Variants in CAMK2D observed in about 807,000 individuals in gnomAD.
The protein encoded by CAMK2D is calcium/calmodulin dependent protein kinase II delta, also known as calcium/calmodulin-dependent protein kinase type II subunit delta.
A neutral mutation model predicts 84.0 loss-of-function variants in CAMK2D; 37 were observed. The ratio of observed to expected loss-of-function variants is 0.44; its 90% CI spans 0.34 to 0.58. The LOEUF is 0.58. Among genes scored for constraint, CAMK2D ranks in the 20% least tolerant of loss-of-function variants. CAMK2D has a pLI of 0.02. For missense variants in CAMK2D, 448 were observed against 652.5 expected, an observed-to-expected ratio of 0.69 and a Z score of 3.41; for synonymous variants, 202 against 212.5, an observed-to-expected ratio of 0.95 and a Z score of 0.43.
At chr4:113,471,285 CTCT>C (rs1200082280) in intron 16 of CAMK2D, among the ~76,000 whole-genome samples, 1 of 152,080 alleles carries the variant, frequency 6.6e-6, no homozygotes, top group East Asian at 1.9e-4. Flanking sequence ...CATCCTTAGC[CTCT>C]TAATTATTTC....
chr4:113,527,603 G>A (rs887377708), intron 8 of CAMK2D, among the ~76,000 whole-genome samples: 3 of 152,054 alleles, frequency 2.0e-5, no homozygotes, highest in African/African-American at 7.2e-5. Context: ...GCCTGTATAT[G>A]CTTCATCATT....
intron 3 of CAMK2D, among the ~76,000 whole-genome samples, chr4:113,616,980 T>C (rs373555505): frequency 3.9e-5 from 6 of 152,310 alleles, no homozygotes; most frequent in South Asian, 4.1e-4. Flanking sequence ...TTCAAGAGTA[T>C]TGAAACAATA....
intron 3 of CAMK2D, among the ~76,000 whole-genome samples, chr4:113,654,786 G>C (rs1162376050): frequency 6.6e-6 from 1 of 151,804 alleles, no homozygotes; most frequent in East Asian, 1.9e-4. Context: ...AAAAAAATTA[G>C]AGTTTATGCT....
chr4:113,567,912 A>G (rs978398847), intron 4 of CAMK2D, among the ~76,000 whole-genome samples: 2 of 152,238 alleles, frequency 1.3e-5, no homozygotes, highest in African/African-American at 2.4e-5. Context: ...CTTGGTTAAT[A>G]TACTGCAACC....
At chr4:113,564,022 T>A (rs373838075) in intron 4 of CAMK2D, among the ~76,000 whole-genome samples, 1 of 152,226 alleles carries the variant, frequency 6.6e-6, no homozygotes, top group Non-Finnish European at 1.5e-5. Flanking sequence ...TTGATGGAGA[T>A]AACTAGTTTC....
intron 2 of CAMK2D, among the ~76,000 whole-genome samples, chr4:113,711,754 T>C (rs2099493400): frequency 6.6e-6 from 1 of 152,180 alleles, no homozygotes; most frequent in Non-Finnish European, 1.5e-5. Flanking sequence ...CTCTCCACGG[T>C]GACATCTCAG....
intron 2 of CAMK2D, among the ~76,000 whole-genome samples, chr4:113,716,788 G>A (rs1300299238): frequency 6.6e-6 from 1 of 151,932 alleles, no homozygotes; most frequent in African/African-American, 2.4e-5. Flanking sequence ...GTGATATAAA[G>A]GAGGACACAT....
intron 2 of CAMK2D, among the ~76,000 whole-genome samples, chr4:113,741,224 G>C (rs1477647718): frequency 6.6e-6 from 1 of 152,120 alleles, no homozygotes; most frequent in African/African-American, 2.4e-5. Flanking sequence ...TCCTTTAAGT[G>C]CAAAGGTGAA....
chr4:113,486,216 G>C (rs749156532), intron 16 of CAMK2D, among the ~76,000 whole-genome samples: 27 of 151,772 alleles, frequency 1.8e-4, no homozygotes, highest in Non-Finnish European at 3.4e-4. Flanking sequence ...CTGTGGTATT[G>C]AACTCCTGGC....
chr4:113,597,374 C>A (rs1035812508), intron 4 of CAMK2D, among the ~76,000 whole-genome samples: 1 of 152,196 alleles, frequency 6.6e-6, no homozygotes, highest in African/African-American at 2.4e-5. Context: ...TGCAGCTTCT[C>A]CATCAGCTCT....
At chr4:113,593,576 A>ATTT (rs1467557018) in intron 4 of CAMK2D, among the ~76,000 whole-genome samples, 4 of 151,800 alleles carry the variant, frequency 2.6e-5, no homozygotes, top group Non-Finnish European at 5.9e-5. Flanking sequence ...TTCACAGTGA[A>ATTT]TACCAGAGGA....
At chr4:113,701,116 T>C (rs893333616) in intron 2 of CAMK2D, among the ~76,000 whole-genome samples, 1 of 152,218 alleles carries the variant, frequency 6.6e-6, no homozygotes, top group African/African-American at 2.4e-5. Flanking sequence ...TTTACTAGAT[T>C]AATTCTTCTA....
chr4:113,536,371 G>A (rs1396387116), intron 7 of CAMK2D, among the ~76,000 whole-genome samples: 3 of 152,196 alleles, frequency 2.0e-5, no homozygotes, highest in Non-Finnish European at 4.4e-5. Flanking sequence ...AGAAAAGGGA[G>A]ATGTGGTGAA....
chr4:113,730,652 C>G (rs187501821), intron 2 of CAMK2D, among the ~76,000 whole-genome samples: 2 of 152,286 alleles, frequency 1.3e-5, no homozygotes, highest in Admixed American at 1.3e-4. Flanking sequence ...TTCCACCATA[C>G]AAAACTTTTT....
At chr4:113,558,403 C>T (rs546493519) in intron 4 of CAMK2D, among the ~76,000 whole-genome samples, 1 of 152,086 alleles carries the variant, frequency 6.6e-6, no homozygotes, top group East Asian at 1.9e-4. Context: ...TAGTAATTTG[C>T]TATCATTAAA....
chr4:113,702,154 T>A (rs1232491348), intron 2 of CAMK2D, among the ~76,000 whole-genome samples: 3 of 152,176 alleles, frequency 2.0e-5, no homozygotes, highest in African/African-American at 7.2e-5. Context: ...CTTAATAAAA[T>A]TTCACTTCCA....
rs187322695 is a variant in CAMK2D, at chr4:113,601,935, G to A, written c.275+7217C>T. Among the ~76,000 whole-genome samples, 335 of 152,010 alleles carry A rather than the reference G, an allele frequency of 2.2e-3. 4 individuals carry two copies. The highest frequency in any genetic ancestry group is 7.6e-3 in the African/African-American group (314 of 41,492). ...TGGTCTCGAACTCCTGGGCTTAAGC[G>A]ATCTCCTGTCTCAGCCTCCCAAAGC... is the stretch of plus-strand genomic sequence containing the variant. On this transcript the variant is annotated intron_variant, in intron 4 of 20. Transcript: ENST00000511664.
chr4:113,488,831 G>A (rs1390122912), intron 16 of CAMK2D, among the ~76,000 whole-genome samples: 1 of 152,086 alleles, frequency 6.6e-6, no homozygotes, highest in Admixed American at 6.6e-5. Flanking sequence ...TTGTTTGTTG[G>A]TTCCATTTGT....
At chr4:113,577,230 T>C (rs1386597560) in intron 4 of CAMK2D, among the ~76,000 whole-genome samples, 1 of 152,178 alleles carries the variant, frequency 6.6e-6, no homozygotes, top group Non-Finnish European at 1.5e-5. Flanking sequence ...GTTTATCAGC[T>C]TAACTAGAAC....
Sources: allele counts gnomAD v4.1 joint callset (sites outside exome capture counted in the v4.1 genomes callset), GRCh38; gene constraint gnomAD v4.1.1; transcripts MANE v1.5; gene names NCBI Gene and HGNC (gene_info 2026-07-23, HGNC 2026-07-21).